SORCS3: variants seen among roughly 807,000 people sequenced by gnomAD.
SORCS3 encodes the protein VPS10 domain-containing receptor SorCS3.
In SORCS3, 57 loss-of-function variants were observed where a neutral mutation model predicts 146.3. That is an observed-to-expected ratio of 0.39 (90% CI 0.31 to 0.49). The LOEUF (loss-of-function observed/expected upper bound fraction) is 0.49. Among genes scored for constraint, SORCS3 ranks in the 20% least tolerant of loss-of-function variants. SORCS3 has a pLI of 0.92. For missense variants in SORCS3, 1,341 were observed against 1,575.5 expected, an observed-to-expected ratio of 0.85 and a Z score of 2.52; for synonymous variants, 653 against 618.5, an observed-to-expected ratio of 1.06 and a Z score of -0.83.
intron 4 of SORCS3, among the ~76,000 whole-genome samples, chr10:105,027,095 C>T (rs770710771): frequency 7.9e-5 from 12 of 152,206 alleles, no homozygotes; most frequent in Non-Finnish European, 1.2e-4. Context: ...CCCTCCTGCT[C>T]GCTGTGCTCC....
chr10:105,089,964 T>C (rs2055690642), intron 6 of SORCS3, 125 bp downstream of exon 6: 2 of 713,840 alleles, frequency 2.8e-6, no homozygotes, highest in African/African-American at 1.8e-5. Context: ...GCCACATCCA[T>C]CCTTAATTCC....
intron 7 of SORCS3, among the ~76,000 whole-genome samples, chr10:105,118,714 TA>T (rs1288180194): frequency 1.3e-5 from 2 of 152,014 alleles, no homozygotes; most frequent in African/African-American, 4.8e-5. Context: ...GGAACTGGAG[TA>T]AAGGTCACTC....
intron 6 of SORCS3, among the ~76,000 whole-genome samples, chr10:105,095,060 G>T (rs1453520746): frequency 6.6e-6 from 1 of 152,098 alleles, no homozygotes; most frequent in Non-Finnish European, 1.5e-5. Flanking sequence ...CTCACATATG[G>T]ATGGTACCAA....
chr10:104,688,127 G>C (rs761251042), intron 1 of SORCS3, among the ~76,000 whole-genome samples: 1 of 152,236 alleles, frequency 6.6e-6, no homozygotes, highest in Non-Finnish European at 1.5e-5. Flanking sequence ...CCTGTACTTA[G>C]TATGGCAACC....
At chr10:105,052,537 G>A (rs73340286) in intron 5 of SORCS3, among the ~76,000 whole-genome samples, 7,026 of 152,156 alleles carry the variant, frequency 0.046, 188 homozygotes, top group Middle Eastern at 0.075. Context: ...AGATTTCAGG[G>A]CCTTATTGTC....
intron 7 of SORCS3, among the ~76,000 whole-genome samples, chr10:105,131,098 G>C (rs1250604685): frequency 1.3e-5 from 2 of 152,082 alleles, no homozygotes; most frequent in African/African-American, 4.8e-5. Context: ...TTGGAAGCCT[G>C]TTTTGTTTTA....
chr10:104,798,413 CA>C, intron 1 of SORCS3, among the ~76,000 whole-genome samples: 1 of 152,238 alleles, frequency 6.6e-6, no homozygotes, highest in East Asian at 1.9e-4. Context: ...CCATATTTCT[CA>C]AAGCCTCAAG....
chr10:104,663,353 T>G (rs2015726372), intron 1 of SORCS3, among the ~76,000 whole-genome samples: 1 of 152,182 alleles, frequency 6.6e-6, no homozygotes, highest in Non-Finnish European at 1.5e-5. Context: ...GAAAGCAGGT[T>G]ATTAAGTTGC....
intron 1 of SORCS3, among the ~76,000 whole-genome samples, chr10:104,778,234 A>G (rs2017332471): frequency 6.6e-6 from 1 of 152,180 alleles, no homozygotes; most frequent in Non-Finnish European, 1.5e-5. Flanking sequence ...AGTTTGTACA[A>G]CCATTCTATA....
chr10:104,746,230 A>T (rs541393749), intron 1 of SORCS3, among the ~76,000 whole-genome samples: 1 of 149,944 alleles, frequency 6.7e-6, no homozygotes, highest in South Asian at 2.1e-4. Context: ...TCCGCCTCCC[A>T]GGTTCACGCC....
intron 3 of SORCS3, among the ~76,000 whole-genome samples, chr10:104,963,961 T>G (rs1196382633): frequency 6.6e-6 from 1 of 152,156 alleles, no homozygotes; most frequent in Non-Finnish European, 1.5e-5. Context: ...TTTTAACTTT[T>G]CTTCCAAAAA....
chr10:104,775,276 C>T (rs1175392016), intron 1 of SORCS3, among the ~76,000 whole-genome samples: 1 of 152,192 alleles, frequency 6.6e-6, no homozygotes, highest in Non-Finnish European at 1.5e-5. Flanking sequence ...AGAGCCTCTT[C>T]ATTGAGGAAT....
intron 7 of SORCS3, among the ~76,000 whole-genome samples, chr10:105,109,403 C>T (rs1350930516): frequency 6.6e-6 from 1 of 152,106 alleles, no homozygotes; most frequent in East Asian, 1.9e-4. Flanking sequence ...ACATTCTACT[C>T]TGCACTGTAA....
intron 3 of SORCS3, among the ~76,000 whole-genome samples, chr10:104,926,935 A>T (rs1053073510): frequency 6.6e-6 from 1 of 152,228 alleles, no homozygotes; most frequent in Non-Finnish European, 1.5e-5. Context: ...TAGGGTTTGC[A>T]TCGAGTATAT....
At chr10:105,072,195 G>A (rs1049369927) in intron 5 of SORCS3, among the ~76,000 whole-genome samples, 1 of 152,166 alleles carries the variant, frequency 6.6e-6, no homozygotes, top group Non-Finnish European at 1.5e-5. Flanking sequence ...CTTTATATAA[G>A]CGGGTCCCTG....
At chr10:104,856,461 CTAAT>C (rs1418407748) in intron 2 of SORCS3, among the ~76,000 whole-genome samples, 2 of 128,854 alleles carry the variant, frequency 1.6e-5, no homozygotes, top group Non-Finnish European at 3.1e-5. Flanking sequence ...TCTGTAATAA[CTAAT>C]TTATATATAT....
intron 14 of SORCS3, among the ~76,000 whole-genome samples, chr10:105,182,759 G>T (rs559464077): frequency 6.6e-6 from 1 of 152,176 alleles, no homozygotes; most frequent in Non-Finnish European, 1.5e-5. Flanking sequence ...GCAGTGATGC[G>T]GTCATGGTTC....
chr10:105,093,548 G>A (rs184789667), intron 6 of SORCS3, among the ~76,000 whole-genome samples: 5 of 152,072 alleles, frequency 3.3e-5, no homozygotes, highest in East Asian at 1.9e-4. Context: ...TTAAAACATA[G>A]CAATAAAAAA....
At chr10:105,005,021 T>C (rs993691861) in intron 4 of SORCS3, among the ~76,000 whole-genome samples, 85 of 152,358 alleles carry the variant, frequency 5.6e-4, no homozygotes, top group African/African-American at 1.5e-3. Flanking sequence ...AATCGTGATA[T>C]AGTTCCTTAT....
Sources: gnomAD v4.1 joint callset for allele counts (sites outside exome capture counted in the v4.1 genomes callset) on GRCh38, gnomAD v4.1.1 for gene constraint, MANE v1.5 for transcripts, NCBI Gene and HGNC (gene_info 2026-07-23, HGNC 2026-07-21) for gene names.